The following PCSK5 variants were observed in gnomAD, a reference collection of about 807,000 sequenced individuals.
PCSK5 encodes prohormone convertase 5.
PCSK5 carries 129 observed loss-of-function variants against 233.2 expected under a neutral mutation model. The ratio of observed to expected loss-of-function variants is 0.55; its 90% CI spans 0.48 to 0.64. The LOEUF is 0.64. PCSK5 is among the 30% of genes least tolerant of loss of function. The pLI is 0.00. For synonymous variants in PCSK5, 825 were observed against 879.2 expected (o/e 0.94, Z 1.09); for missense variants, 2,076 against 2,430.1 (o/e 0.85, Z 3.06).
At chr9:75,965,623 A>G (rs1366757828) in intron 2 of PCSK5, among the ~76,000 whole-genome samples, 1 of 152,190 alleles carries the variant, frequency 6.6e-6, no homozygotes, top group Non-Finnish European at 1.5e-5. Context: ...GAGCCCACCA[A>G]TTCGATGCTG....
chr9:76,190,671 G>A (rs1026837781), intron 20 of PCSK5, among the ~76,000 whole-genome samples: 9 of 152,142 alleles, frequency 5.9e-5, no homozygotes, highest in African/African-American at 1.9e-4. Context: ...ATGGGTATCT[G>A]AATCTTTCAT....
intron 1 of PCSK5, among the ~76,000 whole-genome samples, chr9:75,928,341 CA>C (rs1171735760): frequency 6.6e-6 from 1 of 151,890 alleles, no homozygotes; most frequent in Non-Finnish European, 1.5e-5. Flanking sequence ...AACGTAACCA[CA>C]ATCAGCTTTT....
intron 5 of PCSK5, among the ~76,000 whole-genome samples, chr9:76,038,827 G>A (rs747244417): frequency 7.9e-5 from 12 of 152,182 alleles, no homozygotes; most frequent in Non-Finnish European, 1.8e-4. Context: ...GGGACAATAG[G>A]AGCCCCATCA....
chr9:76,140,009 C>T (rs561036813), intron 10 of PCSK5, among the ~76,000 whole-genome samples: 4 of 152,184 alleles, frequency 2.6e-5, no homozygotes, highest in South Asian at 2.1e-4. Flanking sequence ...AAATATGTGA[C>T]GCTCAAAAAT....
In PCSK5 at chr9:76,296,769, C is replaced by A; in HGVS notation, c.3427C>A (p.His1143Asn). The change falls in exon 27 of 38, where the codon CAT becomes AAT. Residue 1143 changes from histidine (H) to asparagine (N), a missense_variant. Physicochemically the swap from His to Asn is moderately conservative, Grantham distance 68 (BLOSUM62 1). This residue lies in a region of PCSK5 where 1,510 missense variants were observed against 1,538.1 expected (regional missense o/e 0.98). Coordinates refer to ENST00000674117, the MANE Select transcript of PCSK5 (RefSeq NM_001372043.1). ...RACETCTGPG[H>N]DECSSCQEGL... ...ATGCGAAACCTGCACAGGCCCTGGT[C>A]ATGACGAGTGCAGCAGCTGCCAGGA... 6.2e-7 allele frequency: 1 copy of A among 1,611,494 alleles called. No homozygotes were observed. Among genetic ancestry groups the A allele is most frequent in the Non-Finnish European group, 8.5e-7 (1 of 1,178,806 alleles).
intron 7 of PCSK5, among the ~76,000 whole-genome samples, chr9:76,092,907 T>G (rs1222162921): frequency 6.6e-6 from 1 of 152,184 alleles, no homozygotes; most frequent in African/African-American, 2.4e-5. Context: ...ATTAATGTTC[T>G]TGTTTCTTTT....
At chr9:75,991,850 T>C (rs1826780277) in intron 3 of PCSK5, among the ~76,000 whole-genome samples, 1 of 152,144 alleles carries the variant, frequency 6.6e-6, no homozygotes, top group African/African-American at 2.4e-5. Flanking sequence ...GGGAGTTAAA[T>C]ATTTTAAAAA....
intron 20 of PCSK5, among the ~76,000 whole-genome samples, chr9:76,214,734 T>C (rs1380340680): frequency 6.6e-6 from 1 of 152,190 alleles, no homozygotes; most frequent in African/African-American, 2.4e-5. Flanking sequence ...GTTCTTATTA[T>C]TACTAATTCA....
intron 2 of PCSK5, among the ~76,000 whole-genome samples, chr9:75,973,186 T>C (rs76660721): frequency 0.013 from 1,909 of 152,322 alleles, 20 homozygotes; most frequent in South Asian, 0.024. Context: ...TAAATAGTTG[T>C]ATTTTAAAAA....
Position 76,351,452 on chromosome 9 carries a change from GAAAGAAAGAAAGAAAGAAA to G in PCSK5, c.5067+525_5067+543del, listed in dbSNP as rs1564196514. ...CCCCTGCAATGTGAAAGAAAGGAAA[GAAAGAAAGAAAGAAAGAAA>G]GAAAGAAAGAAAGAAAGAAAGAAAG... On this transcript the variant is annotated intron_variant, in intron 36 of 37. Coordinates refer to ENST00000674117, the MANE Select transcript of PCSK5 (RefSeq NM_001372043.1). 9.2e-4 allele frequency among the ~76,000 whole-genome samples: 23 copies of G among 25,014 alleles called. 6 individuals are homozygous for G. Among genetic ancestry groups the G allele is most frequent in the African/African-American group, 2.6e-3 (23 of 8,772 alleles). The allele number at this position is 25,014 out of a possible 152,430, so 16.4% of individuals were successfully genotyped here.
rs112437467 is a variant in PCSK5, at chr9:76,281,991, G to A, written c.3143-10242G>A. On this transcript the variant is annotated intron_variant, in intron 24 of 37. Transcript: ENST00000674117. ...GACACTGTGTATGGCAATAGCTGCC[G>A]TAGAGATTCCTCTGATGTATCTGGG... Among the ~76,000 whole-genome samples the A allele has an allele frequency of 3.7e-3, 561 of 151,628 alleles. 4 individuals carry two copies. The highest frequency in any genetic ancestry group is 0.012 in the African/African-American group (510 of 41,368).
At chr9:75,988,395 TCTCTGCCTCCCAA>T (rs1554669925) in intron 3 of PCSK5, among the ~76,000 whole-genome samples, 1 of 151,456 alleles carries the variant, frequency 6.6e-6, no homozygotes, top group Non-Finnish European at 1.5e-5. Flanking sequence ...AATCCTCCCA[TCTCTGCCTCCCAA>T]ATAGCTGGGA....
At chr9:76,068,464 T>G (rs1219602391) in intron 6 of PCSK5, among the ~76,000 whole-genome samples, 2 of 152,156 alleles carry the variant, frequency 1.3e-5, no homozygotes, top group Non-Finnish European at 2.9e-5. Context: ...TTGTTTTTTT[T>G]CCTTTGGCTT....
intron 20 of PCSK5, among the ~76,000 whole-genome samples, chr9:76,210,721 A>G (rs74509161): frequency 0.014 from 2,062 of 152,292 alleles, 43 homozygotes; most frequent in African/African-American, 0.047. Context: ...TACAGAATGA[A>G]TGACAGAATT....
intron 20 of PCSK5, among the ~76,000 whole-genome samples, chr9:76,206,103 T>C (rs1357678714): frequency 6.6e-6 from 1 of 152,186 alleles, no homozygotes; most frequent in African/African-American, 2.4e-5. Flanking sequence ...CACAGATTCC[T>C]ATCTGCCACC....
chr9:76,352,265 GGTGGGA>G (rs1265543220), intron 36 of PCSK5, among the ~76,000 whole-genome samples: 2 of 152,160 alleles, frequency 1.3e-5, no homozygotes, highest in East Asian at 3.9e-4. Context: ...CCACGGCGCT[GGTGGGA>G]GTGTAGCAGT....
intron 1 of PCSK5, among the ~76,000 whole-genome samples, chr9:75,892,666 C>G (rs1200984928): frequency 1.3e-5 from 2 of 152,180 alleles, no homozygotes; most frequent in African/African-American, 2.4e-5. Context: ...CCCGGGGACA[C>G]CCCCCGCCCC....
At chr9:75,930,569 C>G (rs901937197) in intron 1 of PCSK5, among the ~76,000 whole-genome samples, 11 of 152,018 alleles carry the variant, frequency 7.2e-5, no homozygotes, top group Non-Finnish European at 1.5e-4. Flanking sequence ...ATTTTGAGGG[C>G]AAAGGGAATC....
chr9:76,261,291 T>C (rs1196724261), intron 24 of PCSK5, among the ~76,000 whole-genome samples: 6 of 152,184 alleles, frequency 3.9e-5, no homozygotes, highest in Non-Finnish European at 7.3e-5. Context: ...TTATTAAAAA[T>C]AAACCGTTGC....
Sources: allele counts gnomAD v4.1 joint callset (sites outside exome capture counted in the v4.1 genomes callset), GRCh38; gene constraint gnomAD v4.1.1; regional missense constraint gnomAD v4.1.1; transcripts MANE v1.5; gene names NCBI Gene and HGNC (gene_info 2026-07-23, HGNC 2026-07-21).